AASS: variants seen among roughly 807,000 people sequenced by gnomAD.
The protein encoded by AASS is alpha-aminoadipic semialdehyde synthase, mitochondrial.
A neutral mutation model predicts 105.4 loss-of-function variants in AASS; 86 were observed. The ratio of observed to expected loss-of-function variants is 0.82; its 90% confidence interval spans 0.69 to 0.98. The LOEUF is 0.98. AASS is among the 50% of genes least tolerant of loss of function. The pLI is 0.00. For synonymous variants in AASS, 381 were observed against 394.8 expected (o/e 0.96, Z 0.41); for missense variants, 1,048 against 1,143.2 (o/e 0.92, Z 1.20).
chr7:122,115,034 C>T, intron 9 of AASS, 40 bp downstream of exon 9: 1 of 1,613,792 alleles, frequency 6.2e-7, no homozygotes, highest in African/African-American at 1.3e-5. Context: ...ATGGAAGCAG[C>T]TGGTCAAAAC....
intron 19 of AASS, chr7:122,082,852 A>G (rs2150509679): frequency 1.6e-6 from 2 of 1,289,654 alleles, no homozygotes; most frequent in Middle Eastern, 2.1e-4. Flanking sequence ...GGTATTCAAC[A>G]TTATTCAACA....
chr7:122,124,080 A>G (rs1198964994), intron 4 of AASS, among the ~76,000 whole-genome samples: 2 of 152,138 alleles, frequency 1.3e-5, no homozygotes, highest in Non-Finnish European at 2.9e-5. Context: ...ATACACTCTA[A>G]TTATACTGAA....
chr7:122,139,570 C>T, intron 1 of AASS, among the ~76,000 whole-genome samples: 1 of 152,024 alleles, frequency 6.6e-6, no homozygotes, highest in East Asian at 1.9e-4. Flanking sequence ...TAATGGATGT[C>T]ACAGTAAGTC....
At chr7:122,080,680 G>A (rs1041943044) in intron 20 of AASS, among the ~76,000 whole-genome samples, 2 of 152,068 alleles carry the variant, frequency 1.3e-5, no homozygotes, top group Non-Finnish European at 2.9e-5. Flanking sequence ...ACCCAGATGG[G>A]GTTATTATAC....
chr7:122,141,414 A>G (rs74937683), intron 1 of AASS, among the ~76,000 whole-genome samples: 12,833 of 152,144 alleles, frequency 0.084, 612 homozygotes, highest in East Asian at 0.15. Context: ...CTAGTCCAAA[A>G]TGCTTATCTG....
chr7:122,096,780 TAA>T (rs1173499925), intron 15 of AASS, among the ~76,000 whole-genome samples: 1 of 152,174 alleles, frequency 6.6e-6, no homozygotes, highest in Non-Finnish European at 1.5e-5. Flanking sequence ...ACTAGTTTGC[TAA>T]ATTTTAAAAT....
intron 1 of AASS, among the ~76,000 whole-genome samples, chr7:122,138,983 T>C (rs1796271174): frequency 6.6e-6 from 1 of 152,142 alleles, no homozygotes; most frequent in Non-Finnish European, 1.5e-5. Flanking sequence ...AAAATGTATT[T>C]ATAAAATATT....
intron 20 of AASS, 76 bp downstream of exon 20, chr7:122,081,424 A>G (rs1315821039): frequency 8.8e-7 from 1 of 1,140,506 alleles, no homozygotes; most frequent in African/African-American, 1.5e-5. Flanking sequence ...GCAGATCCAA[A>G]GCAGAGTTCA....
chr7:122,091,851 T>C lies in AASS; in HGVS notation c.1876-8A>G, dbSNP rs1341238727. 1 of 1,571,624 alleles carries C rather than the reference T, an allele frequency of 6.4e-7. No homozygotes were observed. Among genetic ancestry groups the C allele is most frequent in the Non-Finnish European group, 8.7e-7 (1 of 1,143,416 alleles). On this transcript the variant is annotated splice_polypyrimidine_tract_variant and splice_region_variant and intron_variant, in intron 17 of 23. Coordinates refer to ENST00000417368, the MANE Select transcript of AASS (RefSeq NM_005763.4). Reference sequence around the variant, plus strand: ...GGAAATATATGATTCAATCTATAAATTAAAGAATCAATAAATAAGGAAGAA... The same window carrying C: ...GGAAATATATGATTCAATCTATAAACTAAAGAATCAATAAATAAGGAAGAA...
At chr7:122,095,646 G>A (rs1038012567) in intron 15 of AASS, among the ~76,000 whole-genome samples, 3 of 150,526 alleles carry the variant, frequency 2.0e-5, no homozygotes, top group Non-Finnish European at 3.0e-5. Context: ...ACAGAATAGA[G>A]TATTGCTATT....
chr7:122,140,495 A>AAAAAAAAAAAAAAAAAT (rs1300965186), intron 1 of AASS, among the ~76,000 whole-genome samples: 1 of 148,586 alleles, frequency 6.7e-6, no homozygotes, highest in Non-Finnish European at 1.5e-5. Flanking sequence ...CAAAAAAAAA[A>AAAAAAAAAAAAAAAAAT]AAAAAAAAAA....
chr7:122,135,103 A>T (rs1796083074), intron 1 of AASS, among the ~76,000 whole-genome samples: 1 of 152,006 alleles, frequency 6.6e-6, no homozygotes, highest in Non-Finnish European at 1.5e-5. Flanking sequence ...GGTGGGGAAC[A>T]TCACACACTG....
At chr7:122,105,911 A>C (rs279665) in intron 11 of AASS, among the ~76,000 whole-genome samples, 15,708 of 152,060 alleles carry the variant, frequency 0.1, 1,138 homozygotes, top group African/African-American at 0.2. Flanking sequence ...AGACTTAAAA[A>C]ATATAAAAGA....
chr7:122,122,538 A>G (rs1795486714), intron 4 of AASS, among the ~76,000 whole-genome samples: 1 of 152,220 alleles, frequency 6.6e-6, no homozygotes, highest in Admixed American at 6.5e-5. Flanking sequence ...GCATTCAGTA[A>G]AAAATTATGA....
In AASS at chr7:122,129,414, T is replaced by C; in HGVS notation, c.334A>G (p.Thr112Ala). 6.2e-7 allele frequency: 1 copy of C among 1,613,334 alleles called. No individual in the cohort carries two copies. Among genetic ancestry groups the C allele is most frequent in the Non-Finnish European group, 8.5e-7 (1 of 1,179,520 alleles). The change falls in exon 3 of 24, where the codon ACA becomes GCA. Residue 112 changes from threonine (T) to alanine (A), a missense_variant. Physicochemically the swap from Thr to Ala is moderately conservative, Grantham distance 58. Coordinates refer to ENST00000417368, the MANE Select transcript of AASS (RefSeq NM_005763.4). ...ATATTGGCCTCCTGAGCTTTTATTG[T>C]GTGGGAGAAAAATGCATAAGTCTTC... The part of the protein sequence containing the change: ...SRKTYAFFSH[T>A]IKAQEANMGL...
chr7:122,078,743 C>G, intron 22 of AASS, 119 bp downstream of exon 22: 1 of 929,236 alleles, frequency 1.1e-6, no homozygotes, highest in Non-Finnish European at 1.8e-6. Flanking sequence ...TTGCCCTTTT[C>G]TTCATATCAC....
At position 122,075,512 on chromosome 7, in the gene AASS, A is replaced by G. The variant is rs1051586644; in HGVS notation, c.*977T>C. The stretch of plus-strand genomic sequence containing the variant: ...ACATCCTTGTCTTGTTTCTGATCTC[A>G]GGGGGAAATAATCCAGTCCTTCACC... On this transcript the variant is annotated 3_prime_UTR_variant, in exon 24 of 24. Coordinates refer to ENST00000417368, the MANE Select transcript of AASS (RefSeq NM_005763.4). 7 of 152,214 alleles carry G rather than the reference A, an allele frequency of 4.6e-5. No individual in the cohort carries two copies. Among genetic ancestry groups the G allele is most frequent in the African/African-American group, 1.7e-4 (7 of 41,454 alleles). The allele number at this position is 152,214 out of a possible 1,614,324, so 9.4% of individuals were successfully genotyped here.
At position 122,079,654 on chromosome 7, in the gene AASS, T is replaced by C; in HGVS notation, c.2339A>G (p.Lys780Arg). ...ISPSSEHDVL[K>R]EAVLKKLGGD... Reference sequence around the variant, plus strand: ...TCCTAGTTTCTTAAGAACAGCTTCCTTCAACACATCATGCTCAGAGGAGGG... The same window carrying C: ...TCCTAGTTTCTTAAGAACAGCTTCCCTCAACACATCATGCTCAGAGGAGGG... The change falls in exon 21 of 24, where the codon AAG becomes AGG. Residue 780 changes from lysine to arginine, a missense_variant. Lys to Arg is a conservative substitution (Grantham distance 26, BLOSUM62 2). Transcript: ENST00000417368. 1 of 1,614,092 alleles carries C rather than the reference T, an allele frequency of 6.2e-7. No individual in the cohort carries two copies. The highest frequency in any genetic ancestry group is 1.6e-4 in the Middle Eastern group (1 of 6,062).
At chr7:122,115,405 A>G (rs773891806) in intron 8 of AASS, among the ~76,000 whole-genome samples, 183 bp from the exon 9 acceptor site, 4 of 152,192 alleles carry the variant, frequency 2.6e-5, no homozygotes, top group Non-Finnish European at 5.9e-5. Flanking sequence ...CCCAGATTTC[A>G]GTATAGAATT....
Sources: allele counts gnomAD v4.1 joint callset (sites outside exome capture counted in the v4.1 genomes callset), GRCh38; gene constraint gnomAD v4.1.1; transcripts MANE v1.5; gene names NCBI Gene and HGNC (gene_info 2026-07-23, HGNC 2026-07-21).